TMPRSS11A: variants seen among roughly 807,000 people sequenced by gnomAD.
TMPRSS11A encodes transmembrane protease serine 11A.
TMPRSS11A carries 53 observed loss-of-function variants against 58.9 expected under a neutral mutation model. That is an observed-to-expected ratio of 0.90 (90% CI 0.72 to 1.13). The LOEUF (loss-of-function observed/expected upper bound fraction) is 1.13. Among genes scored for constraint, TMPRSS11A ranks in the 50% most tolerant of loss-of-function variants. The probability of loss-of-function intolerance (pLI) is 0.00; values close to 1 mark genes in which losing one functional copy is unlikely to be tolerated. For synonymous variants in TMPRSS11A, 167 were observed against 169.8 expected, an observed-to-expected ratio of 0.98 and a Z score of 0.13; for missense variants, 493 against 499.3, an observed-to-expected ratio of 0.99 and a Z score of 0.12.
rs746998961 is a variant in TMPRSS11A, at chr4:67,911,428, C to T, written c.1171G>A (p.Asp391Asn). The T allele has an allele frequency of 1.9e-6, 3 of 1,613,522 alleles. No individual in the cohort carries two copies. Among genetic ancestry groups the T allele is most frequent in the Admixed American group, 3.3e-5 (2 of 59,976 alleles). ...WYLIGIVSWG[D>N]NCGQKDKPGV... Reference sequence around the variant, plus strand: ...GGCTTGTCCTTTTGACCACAGTTATCTCCCCAGCTTACAATTCCAATGAGA... The same window carrying T: ...GGCTTGTCCTTTTGACCACAGTTATTTCCCCAGCTTACAATTCCAATGAGA... The change falls in exon 10 of 10, where the codon GAT becomes AAT. Residue 391 changes from aspartate to asparagine, a missense_variant. Asp to Asn is a conservative substitution (Grantham distance 23, BLOSUM62 1). Transcript: ENST00000508048.
intron 1 of TMPRSS11A, 46 bp downstream of exon 1, chr4:67,963,333 TGACA>T (rs755581174): frequency 5.6e-6 from 9 of 1,607,624 alleles, no homozygotes; most frequent in Non-Finnish European, 7.7e-6. Context: ...ATCCGGCCAC[TGACA>T]GACAGTACAT....
At chr4:67,929,796 G>T in intron 5 of TMPRSS11A, 84 bp downstream of exon 5, 1 of 1,222,596 alleles carries the variant, frequency 8.2e-7, no homozygotes, top group Non-Finnish European at 1.1e-6. Flanking sequence ...ATTTGAAATG[G>T]AAATAATGAC....
At chr4:67,913,018 G>C (rs947667341) in intron 9 of TMPRSS11A, among the ~76,000 whole-genome samples, 8 of 152,160 alleles carry the variant, frequency 5.3e-5, no homozygotes, top group African/African-American at 1.9e-4. Context: ...TGTTCTTTCT[G>C]AGAGATTTCC....
intron 9 of TMPRSS11A, among the ~76,000 whole-genome samples, chr4:67,914,317 T>C (rs577830817): frequency 1.3e-5 from 2 of 152,356 alleles, no homozygotes; most frequent in Admixed American, 1.3e-4. Flanking sequence ...TTCTTGAATG[T>C]GAGCCGCTTG....
intron 1 of TMPRSS11A, among the ~76,000 whole-genome samples, chr4:67,947,221 A>G (rs545239071): frequency 6.6e-6 from 1 of 152,312 alleles, no homozygotes; most frequent in South Asian, 2.1e-4. Flanking sequence ...CTCCTAAAAA[A>G]TTAATGATAT....
intron 1 of TMPRSS11A, among the ~76,000 whole-genome samples, chr4:67,948,451 C>A (rs1721081794): frequency 6.6e-6 from 1 of 152,162 alleles, no homozygotes; most frequent in Admixed American, 6.5e-5. Flanking sequence ...AGCCACTGCA[C>A]CCGGTCTTAC....
At chr4:67,943,326 G>A (rs902086274) in intron 3 of TMPRSS11A, among the ~76,000 whole-genome samples, 1 of 152,166 alleles carries the variant, frequency 6.6e-6, no homozygotes, top group African/African-American at 2.4e-5. Context: ...AACAACAGTA[G>A]CAGTAATGTT....
chr4:67,961,748 A>G lies in TMPRSS11A; in HGVS notation c.11+1635T>C, dbSNP rs376540066. ...GGCTGGTCTCTAACTCCTAGCCTCAAGTGATTTGCCTGCCTCGGCCTCCGA... is the reference window on the plus strand; with the variant it reads ...GGCTGGTCTCTAACTCCTAGCCTCAGGTGATTTGCCTGCCTCGGCCTCCGA... On this transcript the variant is annotated intron_variant, in intron 1 of 9. Coordinates refer to ENST00000508048, the MANE Select transcript of TMPRSS11A (RefSeq NM_001114387.2). Among the ~76,000 whole-genome samples the G allele has an allele frequency of 2.1e-3, 321 of 151,966 alleles. 2 individuals carry two copies. The highest frequency in any genetic ancestry group is 7.5e-3 in the African/African-American group (309 of 41,468).
intron 1 of TMPRSS11A, among the ~76,000 whole-genome samples, chr4:67,948,553 A>C (rs1033108640): frequency 6.6e-6 from 1 of 152,220 alleles, no homozygotes; most frequent in Non-Finnish European, 1.5e-5. Context: ...ATAAGTAATA[A>C]AATTAATCAA....
At chr4:67,962,012 T>C (rs1001846147) in intron 1 of TMPRSS11A, among the ~76,000 whole-genome samples, 7 of 152,198 alleles carry the variant, frequency 4.6e-5, no homozygotes, top group African/African-American at 1.7e-4. Context: ...TATGAAAAAC[T>C]GGAAATCCTG....
chr4:67,956,682 C>G (rs1309151896), intron 1 of TMPRSS11A, among the ~76,000 whole-genome samples: 1 of 152,204 alleles, frequency 6.6e-6, no homozygotes, highest in Non-Finnish European at 1.5e-5. Flanking sequence ...TGTTGATGCA[C>G]TACAAATGAA....
At chr4:67,932,682 T>C (rs981519982) in intron 3 of TMPRSS11A, among the ~76,000 whole-genome samples, 1 of 152,140 alleles carries the variant, frequency 6.6e-6, no homozygotes, top group African/African-American at 2.4e-5. Flanking sequence ...AGGTCTTAGC[T>C]CTGCAGGTCT....
intron 5 of TMPRSS11A, among the ~76,000 whole-genome samples, chr4:67,925,019 T>C (rs1720430203): frequency 6.6e-6 from 1 of 151,896 alleles, no homozygotes; most frequent in South Asian, 2.1e-4. Flanking sequence ...GAAAAAACCT[T>C]GAAAACTCTT....
chr4:67,913,599 G>A (rs979181328), intron 9 of TMPRSS11A, among the ~76,000 whole-genome samples: 1 of 152,140 alleles, frequency 6.6e-6, no homozygotes. Context: ...GGTCCTGTCT[G>A]CTCCAAGACT....
At chr4:67,936,059 G>A (rs1268295970) in intron 3 of TMPRSS11A, among the ~76,000 whole-genome samples, 1 of 152,090 alleles carries the variant, frequency 6.6e-6, no homozygotes, top group African/African-American at 2.4e-5. Context: ...TGCCCAAGTT[G>A]ACACCACAGA....
chr4:67,920,785 T>A (rs773666161), intron 7 of TMPRSS11A, among the ~76,000 whole-genome samples: 7 of 151,854 alleles, frequency 4.6e-5, no homozygotes, highest in Non-Finnish European at 1.0e-4. Context: ...CTAGCACTCT[T>A]CGGTATAGCA....
In TMPRSS11A at chr4:67,958,617, G is replaced by C. The variant is rs369315931; in HGVS notation, c.11+4766C>G. ...ATTTTACAGGCTCATAGGCAGAAGGGACCTGCCTTGTCTCAGATGAGACTG... is the reference window on the plus strand; with the variant it reads ...ATTTTACAGGCTCATAGGCAGAAGGCACCTGCCTTGTCTCAGATGAGACTG... On this transcript the variant is annotated intron_variant, in intron 1 of 9. Coordinates refer to ENST00000508048, the MANE Select transcript of TMPRSS11A (RefSeq NM_001114387.2). Among the ~76,000 whole-genome samples the C allele has an allele frequency of 1.2e-4, 19 of 152,316 alleles. No homozygotes were observed. The East Asian group carries it at 2.1e-3, about 17-fold the overall frequency.
At position 67,936,503 on chromosome 4, in the gene TMPRSS11A, T is replaced by C. The variant is rs565220736; in HGVS notation, c.253-4443A>G. Among the ~76,000 whole-genome samples the C allele has an allele frequency of 3.9e-5, 6 of 152,228 alleles. No homozygotes were observed. The South Asian group carries it at 1.2e-3, about 32-fold the overall frequency. ...GTGCTGTGTCTATTGGAGAAAGCAG[T>C]TGGATCCAGTGTCATACAAGGTGTG... On this transcript the variant is annotated intron_variant, in intron 3 of 9. Transcript: ENST00000508048.
chr4:67,955,885 C>A (rs553908744), intron 1 of TMPRSS11A, among the ~76,000 whole-genome samples: 2 of 152,034 alleles, frequency 1.3e-5, no homozygotes, highest in South Asian at 4.1e-4. Flanking sequence ...TAAAATAATG[C>A]AAATAACAAA....
Sources: allele counts gnomAD v4.1 joint callset (sites outside exome capture counted in the v4.1 genomes callset), GRCh38; gene constraint gnomAD v4.1.1; transcripts MANE v1.5; gene names NCBI Gene and HGNC (gene_info 2026-07-23, HGNC 2026-07-21).